The following DNAH3 variants were observed in gnomAD, a reference collection of about 807,000 sequenced individuals.
The protein encoded by DNAH3 is axonemal beta dynein heavy chain 3.
DNAH3 carries 332 observed loss-of-function variants against 432.5 expected under a neutral mutation model. The ratio of observed to expected loss-of-function variants is 0.77; its 90% CI spans 0.70 to 0.84. The LOEUF (loss-of-function observed/expected upper bound fraction) is 0.84. Among genes scored for constraint, DNAH3 ranks in the 40% least tolerant of loss-of-function variants. The pLI is 0.00. For synonymous variants in DNAH3, 1,956 were observed against 1,900.2 expected, an observed-to-expected ratio of 1.03 and a Z score of -0.76; for missense variants, 4,861 against 5,114.0, an observed-to-expected ratio of 0.95 and a Z score of 1.51.
intron 51 of DNAH3, 30 bp downstream of exon 51, chr16:20,975,203 G>A (rs2152647039): frequency 1.2e-6 from 2 of 1,610,046 alleles, no homozygotes; most frequent in Non-Finnish European, 1.7e-6. Flanking sequence ...GGCAGCACCA[G>A]TTCCCTCCCT....
intron 19 of DNAH3, among the ~76,000 whole-genome samples, 182 bp from the exon 20 acceptor site, chr16:21,081,909 A>G (rs191933145): frequency 1.8e-4 from 27 of 152,256 alleles, no homozygotes; most frequent in African/African-American, 6.0e-4. Flanking sequence ...TTTTAAATTA[A>G]ATTAAAAAAA....
At chr16:21,151,038 C>G (rs2092847560) in intron 1 of DNAH3, among the ~76,000 whole-genome samples, 192 bp from the exon 1 acceptor site, 1 of 152,148 alleles carries the variant, frequency 6.6e-6, no homozygotes, top group Admixed American at 6.5e-5. Flanking sequence ...ACAGAGGCAA[C>G]AGCAATAAAA....
At chr16:21,069,716 C>T (rs1173620418) in intron 22 of DNAH3, 122 bp from the exon 23 acceptor site, 1 of 872,600 alleles carries the variant, frequency 1.1e-6, no homozygotes, top group Non-Finnish European at 1.7e-6. Context: ...ACTTGTTTAA[C>T]AAATACTTAT....
intron 12 of DNAH3, 124 bp downstream of exon 12, chr16:21,117,079 T>C: frequency 3.1e-6 from 2 of 637,834 alleles, no homozygotes; most frequent in East Asian, 5.5e-5. Flanking sequence ...ATGTAAGTAT[T>C]GGCTATTCTT....
chr16:21,070,655 G>T (rs2090747561), intron 22 of DNAH3, 55 bp downstream of exon 22: 2 of 1,172,816 alleles, frequency 1.7e-6, no homozygotes, highest in Non-Finnish European at 2.6e-6. Flanking sequence ...CCCCTCCTCT[G>T]AGAAACCCAG....
rs541422954 is a variant in DNAH3, at chr16:21,068,037, C to T, written c.3382-618G>A. ...AAAGAATTGGCTTATGCTGGCTGGA[C>T]AATCTAAATTCCATTTATCTCACTC... On this transcript the variant is annotated intron_variant, in intron 23 of 61. Coordinates refer to ENST00000261383, the Ensembl canonical transcript of DNAH3. 3.9e-5 allele frequency among the ~76,000 whole-genome samples: 6 copies of T among 152,248 alleles called. No homozygotes were observed. The East Asian group carries it at 9.7e-4, about 24-fold the overall frequency.
At chr16:21,098,493 G>A (rs1169318209) in intron 17 of DNAH3, 123 bp downstream of exon 17, 7 of 916,870 alleles carry the variant, frequency 7.6e-6, no homozygotes, top group South Asian at 2.5e-5. Flanking sequence ...GAAAGAACTG[G>A]CCAATGAGTT....
chr16:21,036,804 T>C (rs758675090), exon 35 of DNAH3: 2 of 1,612,744 alleles, frequency 1.2e-6, no homozygotes, highest in Non-Finnish European at 1.7e-6. Context: ...CTTCATAGTC[T>C]GGCTTTGGAA....
chr16:20,951,871 G>A (rs545676398), intron 56 of DNAH3, among the ~76,000 whole-genome samples: 1 of 151,606 alleles, frequency 6.6e-6, no homozygotes, highest in African/African-American at 2.4e-5. Context: ...CTCCCAAGGA[G>A]TAGCTGGGAC....
At chr16:20,948,409 T>C in intron 57 of DNAH3, 74 bp downstream of exon 57, 2 of 1,492,014 alleles carry the variant, frequency 1.3e-6, no homozygotes, top group Non-Finnish European at 9.1e-7. Context: ...CTGGCTACAC[T>C]GCAGCCCTGT....
intron 59 of DNAH3, among the ~76,000 whole-genome samples, chr16:20,938,571 A>G (rs2083682241): frequency 6.6e-6 from 1 of 151,742 alleles, no homozygotes; most frequent in South Asian, 2.1e-4. Flanking sequence ...TTTAGTACCC[A>G]AGGAAAGAAC....
At chr16:21,111,602 T>C (rs560231890) in intron 14 of DNAH3, 24 bp downstream of exon 14, 1 of 1,596,022 alleles carries the variant, frequency 6.3e-7, no homozygotes, top group African/African-American at 1.3e-5. Context: ...ACCATTGCTA[T>C]TTGTCTGCAC....
intron 28 of DNAH3, among the ~76,000 whole-genome samples, chr16:21,053,858 CTCT>C (rs1317540775): frequency 6.6e-6 from 1 of 151,866 alleles, no homozygotes; most frequent in Non-Finnish European, 1.5e-5. Context: ...CTTCCTCCTC[CTCT>C]TCTTTTTAAA....
At chr16:21,025,301 G>A (rs1248771996) in intron 38 of DNAH3, among the ~76,000 whole-genome samples, 1 of 150,152 alleles carries the variant, frequency 6.7e-6, no homozygotes, top group African/African-American at 2.4e-5. Context: ...GGGGTACCAT[G>A]TTATAGATAA....
At chr16:20,943,063 A>G (rs750302447) in intron 58 of DNAH3, among the ~76,000 whole-genome samples, 1 of 151,922 alleles carries the variant, frequency 6.6e-6, no homozygotes, top group African/African-American at 2.4e-5. Flanking sequence ...AGCTGGGACT[A>G]CAGGCACGCA....
intron 1 of DNAH3, among the ~76,000 whole-genome samples, chr16:21,159,038 T>C (rs1244595683): frequency 6.7e-6 from 1 of 149,364 alleles, no homozygotes; most frequent in Admixed American, 6.7e-5. Context: ...TACCACTAGA[T>C]TAGGTAAAAT....
chr16:21,022,614 T>C (rs1282430108), intron 39 of DNAH3, among the ~76,000 whole-genome samples: 1 of 152,196 alleles, frequency 6.6e-6, no homozygotes, highest in Non-Finnish European at 1.5e-5. Context: ...GGGGTTATCA[T>C]GATTCTTGCC....
At chr16:21,008,950 G>C (rs1247115834) in intron 41 of DNAH3, among the ~76,000 whole-genome samples, 1 of 152,194 alleles carries the variant, frequency 6.6e-6, no homozygotes. Context: ...TTAAAAGTGA[G>C]CTTCTGTTAT....
At chr16:21,155,798 T>G (rs1210078289) in intron 1 of DNAH3, among the ~76,000 whole-genome samples, 1 of 152,148 alleles carries the variant, frequency 6.6e-6, no homozygotes, top group Non-Finnish European at 1.5e-5. Context: ...GTCAGCAAGG[T>G]TCCAAGTTGC....
Sources: allele counts gnomAD v4.1 joint callset (sites outside exome capture counted in the v4.1 genomes callset), GRCh38; gene constraint gnomAD v4.1.1; transcripts MANE v1.5; gene names NCBI Gene and HGNC (gene_info 2026-07-23, HGNC 2026-07-21).